CSF1R: variants seen among roughly 807,000 people sequenced by gnomAD.
CSF1R encodes the protein colony stimulating factor 1 receptor.
A neutral mutation model predicts 110.0 loss-of-function variants in CSF1R; 40 were observed. The observed-to-expected ratio is 0.36, with a 90% CI of 0.28 to 0.47. The LOEUF (loss-of-function observed/expected upper bound fraction) is 0.47, where lower values mean the gene tolerates loss of function less well. Ranked by LOEUF, CSF1R falls within the 20% of genes least tolerant of loss-of-function variation. CSF1R has a pLI of 0.99. For missense variants in CSF1R, 1,052 were observed against 1,253.0 expected, an observed-to-expected ratio of 0.84 and a Z score of 2.42; for synonymous variants, 523 against 503.4, an observed-to-expected ratio of 1.04 and a Z score of -0.52.
At position 150,057,522 on chromosome 5, in the gene CSF1R, C is replaced by A. The variant is rs887139619; in HGVS notation, c.2203G>T (p.Asp735Tyr). 2.5e-6 allele frequency: 4 copies of A among 1,614,196 alleles called. No individual in the cohort carries two copies. The East Asian group carries it at 6.7e-5, about 27-fold the overall frequency. The change falls in exon 15 of 21, where the codon GAC (aspartate) becomes TAC (tyrosine). Residue 735 changes from aspartate (D) to tyrosine (Y), a missense_variant. Physicochemically the swap from Asp to Tyr is radical, Grantham distance 160. This residue lies in a region of CSF1R where 124 missense variants were observed against 117.7 expected (regional missense o/e 1.05). Transcript: ENST00000675795. Reference protein sequence around the residue: ...EMRPVSTSSNDSFSEQDLDKE... With the variant: ...EMRPVSTSSNYSFSEQDLDKE... ...TCCTCACCTTGCTCAGAGAAGGAGT[C>A]ATTTGAAGAAGTGGAGACAGGCCTC...
At chr5:150,072,067 G>C (rs1758055475) in intron 6 of CSF1R, among the ~76,000 whole-genome samples, 1 of 151,322 alleles carries the variant, frequency 6.6e-6, no homozygotes, top group Admixed American at 6.6e-5. Flanking sequence ...CTGTGTTGAG[G>C]AGGACTCTGA....
Position 150,080,903 on chromosome 5 carries a change from G to C in CSF1R, c.171C>G (p.His57Gln), listed in dbSNP as rs1305733768. The stretch of plus-strand genomic sequence containing the variant: ...TGGAGCCATCAGAGTACAGGGTCCA[G>C]TGAGGTGATGGGGGGCCATCCCATT... ...SVEWDGPPSPHWTLYSDGSSS... is the reference protein window; with the variant it reads ...SVEWDGPPSPQWTLYSDGSSS... The change falls in exon 2 of 21, where the codon CAC becomes CAG. Residue 57 changes from histidine to glutamine, a missense_variant. By Grantham distance (24) the His-to-Gln change is conservative. Coordinates refer to ENST00000675795, the MANE Select transcript of CSF1R (RefSeq NM_001288705.3). 1 of 1,614,212 alleles carries C rather than the reference G, an allele frequency of 6.2e-7. No homozygotes were observed. The highest frequency in any genetic ancestry group is 1.1e-5 in the South Asian group (1 of 91,090).
upstream of CSF1R, among the ~76,000 whole-genome samples, chr5:150,087,565 ATTGT>A (rs1758891177): frequency 1.3e-5 from 2 of 152,158 alleles, no homozygotes; most frequent in East Asian, 1.9e-4. Context: ...CGTTACTTAC[ATTGT>A]TTATTTATTT....
rs1214813152 is a variant in CSF1R at position 150,069,855 on chromosome 5, G to A, written c.1510+18C>T. 1 of 1,586,012 alleles carries A rather than the reference G, an allele frequency of 6.3e-7. No individual in the cohort carries two copies. Among genetic ancestry groups the A allele is most frequent in the Non-Finnish European group, 8.6e-7 (1 of 1,163,572 alleles). ...GGGCGGGCGGGGGGGCGGTGCGGGT[G>A]CGAAGGCTCCCTCTCACCTGCAGAG... On this transcript the variant is annotated intron_variant, in intron 9 of 20. Coordinates refer to ENST00000675795, the MANE Select transcript of CSF1R (RefSeq NM_001288705.3).
At chr5:150,107,144 C>A (rs191019347) in intron 1 of CSF1R, among the ~76,000 whole-genome samples, 2 of 152,250 alleles carry the variant, frequency 1.3e-5, no homozygotes, top group Non-Finnish European at 2.9e-5. Flanking sequence ...TCTCCACCCT[C>A]CAAAAGCAAT....
Position 150,080,964 on chromosome 5 carries a change from G to A in CSF1R, c.110C>T (p.Thr37Met), listed in dbSNP as rs139635308. ...VPELVVKPGA[T>M]VTLRCVGNGS... The stretch of plus-strand genomic sequence containing the variant: ...ATTGCCCACACATCGCAAGGTCACC[G>A]TTGCTCCTGGCTTCACGACCAGCTC... The change falls in exon 2 of 21, where the codon ACG becomes ATG. Residue 37 changes from threonine to methionine, a missense_variant. Coordinates refer to ENST00000675795, the MANE Select transcript of CSF1R (RefSeq NM_001288705.3). 7.6e-5 allele frequency: 123 copies of A among 1,614,116 alleles called. 2 individuals are homozygous for A. Among genetic ancestry groups the A allele is most frequent in the South Asian group, 7.6e-4 (69 of 91,070 alleles).
chr5:150,076,356 A>G (rs1415727338), intron 5 of CSF1R, among the ~76,000 whole-genome samples: 2 of 147,602 alleles, frequency 1.4e-5, no homozygotes, highest in Non-Finnish European at 3.0e-5. Flanking sequence ...CTATCTATCT[A>G]TCTATCTATC....
intron 3 of CSF1R, among the ~76,000 whole-genome samples, chr5:150,078,837 A>G (rs1758400505): frequency 6.6e-6 from 1 of 152,174 alleles, no homozygotes; most frequent in South Asian, 2.1e-4. Flanking sequence ...TCTTTAGCTC[A>G]AAAATTCCTC....
chr5:150,094,290 C>T, intron 1 of CSF1R: 4 of 1,511,954 alleles, frequency 2.6e-6, no homozygotes, highest in South Asian at 2.4e-5. Context: ...GTTTTTTTTT[C>T]CGGCTGGAAC....
In CSF1R at chr5:150,056,086, A is replaced by G; in HGVS notation, c.2494T>C (p.Tyr832His). 6.2e-7 allele frequency: 1 copy of G among 1,614,244 alleles called. No individual in the cohort carries two copies. The highest frequency in any genetic ancestry group is 1.1e-5 in the South Asian group (1 of 91,084). Residue 832 changes from tyrosine (Y) to histidine (H), a missense_variant, in exon 18 of 21, where the codon TAC (tyrosine) becomes CAC (histidine). Tyr to His is a moderately conservative substitution (Grantham distance 83). Transcript: ENST00000675795. ...MAPESIFDCV[Y>H]TVQSDVWSYG... ...GACCAGACGTCGCTCTGAACCGTGT[A>G]GACACAGTCAAAGATGCTCTCTGGG... is the stretch of plus-strand genomic sequence containing the variant.
At chr5:150,092,722 A>G (rs887971938) in intron 1 of CSF1R, among the ~76,000 whole-genome samples, 1 of 152,192 alleles carries the variant, frequency 6.6e-6, no homozygotes, top group African/African-American at 2.4e-5. Context: ...CCATGATTCA[A>G]TTATCTCCAC....
chr5:150,061,217 A>AGGCCAT (rs992956216), intron 12 of CSF1R, among the ~76,000 whole-genome samples: 4 of 152,216 alleles, frequency 2.6e-5, no homozygotes, highest in Non-Finnish European at 4.4e-5. Context: ...AACTGTGGCC[A>AGGCCAT]GGCCATGGCC....
Position 150,053,664 on chromosome 5 carries a change from C to T in CSF1R, c.*405G>A, listed in dbSNP as rs1058920. ...CTCTCAGAGAGGGAGATCTCACTCT[C>T]TGCCAGTCTGTCTAGCCCCAAAGAG... On this transcript the variant is annotated 3_prime_UTR_variant, in exon 21 of 21. Transcript: ENST00000675795. 6 of 301,592 alleles carry T rather than the reference C, an allele frequency of 2.0e-5. No homozygotes were observed. The highest frequency in any genetic ancestry group is 1.1e-4 in the African/African-American group (5 of 46,410). 18.7% of individuals were successfully genotyped at this position (301,592 alleles called of 1,614,324 possible). A position where few individuals can be genotyped will look rare whatever the true frequency, so the allele number is the denominator to read the frequency against.
intron 1 of CSF1R, 82 bp downstream of exon 1, chr5:150,086,297 G>T: frequency 1.4e-6 from 2 of 1,399,834 alleles, no homozygotes; most frequent in South Asian, 1.3e-5. Flanking sequence ...GACACCCAGT[G>T]AGGGGCAAGG....
chr5:150,094,745 G>C (rs1759161794), intron 1 of CSF1R: 1 of 1,603,000 alleles, frequency 6.2e-7, no homozygotes. Context: ...CCAATCTGAA[G>C]TCAGTAAATG....
At chr5:150,087,001 G>A (rs533882109), upstream of CSF1R, among the ~76,000 whole-genome samples, 12 of 152,192 alleles carry the variant, frequency 7.9e-5, no homozygotes, top group South Asian at 2.1e-4. Flanking sequence ...TTTTAGAGAC[G>A]CAGTTTCACT....
At chr5:150,072,211 A>G (rs1015475545) in intron 6 of CSF1R, among the ~76,000 whole-genome samples, 13 of 152,202 alleles carry the variant, frequency 8.5e-5, no homozygotes, top group Non-Finnish European at 4.4e-5. Flanking sequence ...TGATTATTTC[A>G]GGCCAGGCAC....
chr5:150,078,183 C>A lies in CSF1R; in HGVS notation c.658G>T (p.Ala220Ser). ...CTGCTGGCTGAGCACACGATCTGGGCAGCCTCCCCTCGAATCCGCACCAGC... is the reference window on the plus strand; with the variant it reads ...CTGCTGGCTGAGCACACGATCTGGGAAGCCTCCCCTCGAATCCGCACCAGC... ...AELVRIRGEAAQIVCSASSVD... is the reference protein window; with the variant it reads ...AELVRIRGEASQIVCSASSVD... Residue 220 changes from alanine to serine, a missense_variant, in exon 4 of 21, where the codon GCC (alanine) becomes TCC (serine). Coordinates refer to ENST00000675795, the MANE Select transcript of CSF1R (RefSeq NM_001288705.3). The A allele has an allele frequency of 6.2e-7, 1 of 1,614,152 alleles. No individual in the cohort carries two copies. The highest frequency in any genetic ancestry group is 8.5e-7 in the Non-Finnish European group (1 of 1,180,008).
At chr5:150,093,525 C>A (rs1759113225) in intron 1 of CSF1R, among the ~76,000 whole-genome samples, 1 of 151,804 alleles carries the variant, frequency 6.6e-6, no homozygotes. Context: ...AAATTATAAG[C>A]CAATAGTGGA....
Sources: gnomAD v4.1 joint callset for allele counts (sites outside exome capture counted in the v4.1 genomes callset) on GRCh38, gnomAD v4.1.1 for gene constraint, gnomAD v4.1.1 regional missense constraint, MANE v1.5 for transcripts, NCBI Gene and HGNC (gene_info 2026-07-23, HGNC 2026-07-21) for gene names.